PALM: variants seen among roughly 807,000 people sequenced by gnomAD.
The protein encoded by PALM is paralemmin-1.
PALM carries 18 observed loss-of-function variants against 30.7 expected under a neutral mutation model. The ratio of observed to expected loss-of-function variants is 0.59; its 90% CI spans 0.41 to 0.87. The LOEUF (loss-of-function observed/expected upper bound fraction) is 0.87, where lower values mean the gene tolerates loss of function less well. Among genes scored for constraint, PALM ranks in the 40% least tolerant of loss-of-function variants. PALM has a pLI of 0.00. For synonymous variants in PALM, 286 were observed against 242.8 expected (o/e 1.18, Z -1.66); for missense variants, 529 against 555.4 (o/e 0.95, Z 0.48).
At chr19:719,776 G>T in intron 1 of PALM, 1 of 351,416 alleles carries the variant, frequency 2.8e-6, no homozygotes, top group Non-Finnish European at 4.0e-6. Context: ...GGCCCCGCCC[G>T]CAGGAGGATG....
At chr19:714,497 T>C (rs1164158611) in intron 1 of PALM, among the ~76,000 whole-genome samples, 1 of 150,854 alleles carries the variant, frequency 6.6e-6, no homozygotes, top group Non-Finnish European at 1.5e-5. Context: ...TAGCTGGGAC[T>C]ACAGGCGCCC....
At chr19:735,998 C>A in intron 6 of PALM, 21 bp from the exon 7 acceptor site, 1 of 1,602,916 alleles carries the variant, frequency 6.2e-7, no homozygotes, top group Non-Finnish European at 8.5e-7. Context: ...ATCTCTCTCT[C>A]CGCTTCCACC....
intron 4 of PALM, among the ~76,000 whole-genome samples, chr19:728,964 G>A (rs947815478): frequency 2.0e-5 from 3 of 151,316 alleles, no homozygotes; most frequent in Non-Finnish European, 4.4e-5. Flanking sequence ...AGATCTCACC[G>A]CTGCACTCTG....
At chr19:714,476 A>C (rs1197912371) in intron 1 of PALM, among the ~76,000 whole-genome samples, 4 of 139,168 alleles carry the variant, frequency 2.9e-5, no homozygotes, top group African/African-American at 1.1e-4. Flanking sequence ...CTCCTGCCTC[A>C]GCCTCCCGAG....
At position 746,175 on chromosome 19, in the gene PALM, C is replaced by T; in HGVS notation, c.635-110C>T. The T allele has an allele frequency of 1.3e-6, 1 of 762,960 alleles. No individual in the cohort carries two copies. Among genetic ancestry groups the T allele is most frequent in the Non-Finnish European group, 2.2e-6 (1 of 455,734 alleles). The allele number at this position is 762,960 out of a possible 1,614,324, so 47.3% of individuals were successfully genotyped here. On this transcript the variant is annotated intron_variant, in intron 8 of 8. Coordinates refer to ENST00000338448, the MANE Select transcript of PALM (RefSeq NM_002579.3). The surrounding 1 kb of genome is among the most constrained non-coding windows in gnomAD (Gnocchi z 7.1). The stretch of plus-strand genomic sequence containing the variant: ...TCTAGTTCGTGATTTCCTCTTTAGC[C>T]TGGAGGAGGATACAAGCCTTGCCAA...
At chr19:738,675 G>C (rs563774647) in intron 7 of PALM, among the ~76,000 whole-genome samples, 5 of 152,308 alleles carry the variant, frequency 3.3e-5, no homozygotes, top group African/African-American at 1.2e-4. Flanking sequence ...TCAAGGTCCA[G>C]GTGGGGATGG....
chr19:738,329 A>C (rs2033083665), intron 7 of PALM, among the ~76,000 whole-genome samples: 1 of 152,104 alleles, frequency 6.6e-6, no homozygotes, highest in Admixed American at 6.6e-5. Flanking sequence ...GATCGAGACC[A>C]TCTTGGCTAA....
intron 8 of PALM, among the ~76,000 whole-genome samples, chr19:741,584 G>C (rs907112358): frequency 1.3e-5 from 2 of 151,670 alleles, no homozygotes. Flanking sequence ...GGGGAACCAG[G>C]TTGGTCAGGG....
At chr19:721,209 G>A (rs1473322993) in intron 1 of PALM, among the ~76,000 whole-genome samples, 1 of 152,184 alleles carries the variant, frequency 6.6e-6, no homozygotes, top group Admixed American at 6.5e-5. Flanking sequence ...TCTAAGGGCT[G>A]ATGGGAGCCA....
rs1052703500 is a variant in PALM at position 709,918 on chromosome 19, G to A, written c.5+767G>A. On this transcript the variant is annotated intron_variant, in intron 1 of 8. Transcript: ENST00000338448. This position sits in a 1 kb window ranked among gnomAD's most constrained non-coding sequence, Gnocchi z 4.3. The stretch of plus-strand genomic sequence containing the variant: ...TGGCTGCGCCTGTGTGTGTGGGGGG[G>A]GGGTGGCCAGTGGAGGCACCGAGCG... Among the ~76,000 whole-genome samples the A allele has an allele frequency of 2.6e-5, 4 of 152,104 alleles. No homozygotes were observed. Among genetic ancestry groups the A allele is most frequent in the Admixed American group, 2.0e-4 (3 of 15,278 alleles).
chr19:727,478 C>T, intron 3 of PALM, 86 bp from the exon 4 acceptor site: 1 of 1,155,068 alleles, frequency 8.7e-7, no homozygotes, highest in Non-Finnish European at 1.3e-6. Flanking sequence ...CAACCCCGAC[C>T]CTGATCCTGA....
intron 8 of PALM, among the ~76,000 whole-genome samples, chr19:743,428 CT>C (rs1396894685): frequency 6.6e-6 from 1 of 152,204 alleles, no homozygotes; most frequent in Non-Finnish European, 1.5e-5. Flanking sequence ...CAATTCCTGT[CT>C]TGGGGCAGCG....
rs2033361310 is a variant in PALM at position 746,781 on chromosome 19, G to A, written c.1131G>A (p.Lys377=). The change falls in exon 9 of 9, where the codon AAG becomes AAA. Residue 377 remains lysine (K), a synonymous_variant. Transcript: ENST00000338448. The surrounding 1 kb of genome is among the most constrained non-coding windows in gnomAD (Gnocchi z 7.1). ...GCGACCCCCAGGACCTCGACATGAA[G>A]AAGCACCGTTGTAAATGCTGCTCCA... is the stretch of plus-strand genomic sequence containing the variant. ...TTSDPQDLDM[K]KHRCKCCSIM is the part of the protein sequence containing the mutation. 3 of 1,578,828 alleles carry A rather than the reference G, an allele frequency of 1.9e-6. No individual in the cohort carries two copies. The highest frequency in any genetic ancestry group is 2.3e-5 in the South Asian group (2 of 88,274).
intron 1 of PALM, chr19:719,342 G>T (rs2032377028): frequency 2.0e-6 from 2 of 985,408 alleles, no homozygotes; most frequent in African/African-American, 3.5e-5. Flanking sequence ...TGGGCCTCAT[G>T]AACTCATCTC....
At chr19:711,592 G>A (rs1412451333) in intron 1 of PALM, among the ~76,000 whole-genome samples, 1 of 152,188 alleles carries the variant, frequency 6.6e-6, no homozygotes, top group East Asian at 1.9e-4. Context: ...AGTGATAATT[G>A]AATTTAATAA....
chr19:711,389 G>C (rs1289241545), intron 1 of PALM, among the ~76,000 whole-genome samples: 1 of 152,140 alleles, frequency 6.6e-6, no homozygotes, highest in South Asian at 2.1e-4. Context: ...TCAAACCCCC[G>C]GGATAGGGAG....
intron 4 of PALM, 37 bp downstream of exon 4, chr19:727,731 G>C (rs2032735062): frequency 6.7e-7 from 1 of 1,503,294 alleles, no homozygotes; most frequent in South Asian, 1.3e-5. Flanking sequence ...GGGCTGGGTG[G>C]GGCCTCGGGG....
In PALM at chr19:728,172, C is replaced by T. The variant is rs558777152; in HGVS notation, c.269+478C>T. Among the ~76,000 whole-genome samples the T allele has an allele frequency of 1.2e-3, 188 of 152,202 alleles. 2 individuals carry two copies. Among genetic ancestry groups the T allele is most frequent in the Non-Finnish European group, 1.2e-3 (84 of 67,996 alleles). On this transcript the variant is annotated intron_variant, in intron 4 of 8. Coordinates refer to ENST00000338448, the MANE Select transcript of PALM (RefSeq NM_002579.3). ...AGAGCAGCTGGGCCCGCAGGAAGCTCGGGCGGGGGCAGGAAGGGGACAGGA... is the reference window on the plus strand; with the variant it reads ...AGAGCAGCTGGGCCCGCAGGAAGCTTGGGCGGGGGCAGGAAGGGGACAGGA...
chr19:744,983 C>A (rs2144932534), intron 8 of PALM, among the ~76,000 whole-genome samples: 1 of 151,592 alleles, frequency 6.6e-6, no homozygotes, highest in Admixed American at 6.6e-5. Flanking sequence ...AGTTCAAGAC[C>A]AGACTGGCCA....
Sources: allele counts gnomAD v4.1 joint callset (sites outside exome capture counted in the v4.1 genomes callset), GRCh38; gene constraint gnomAD v4.1.1; non-coding constraint Gnocchi (gnomAD v3.1); transcripts MANE v1.5; gene names NCBI Gene and HGNC (gene_info 2026-07-23, HGNC 2026-07-21).